RGS22: variants seen among roughly 807,000 people sequenced by gnomAD.
RGS22 encodes the protein regulator of G protein signaling 22.
A neutral mutation model predicts 172.9 loss-of-function variants in RGS22; 148 were observed. The observed-to-expected ratio is 0.86, with a 90% confidence interval of 0.75 to 0.98. RGS22 has a LOEUF of 0.98. Ranked by LOEUF, RGS22 falls within the 50% of genes least tolerant of loss-of-function variation. The probability of loss-of-function intolerance (pLI) is 0.00; values close to 1 mark genes in which losing one functional copy is unlikely to be tolerated. For synonymous variants in RGS22, 458 were observed against 480.2 expected, an observed-to-expected ratio of 0.95 and a Z score of 0.60; for missense variants, 1,347 against 1,440.8, an observed-to-expected ratio of 0.93 and a Z score of 1.05.
At chr8:100,004,912 G>C (rs996199064) in intron 16 of RGS22, among the ~76,000 whole-genome samples, 1 of 151,732 alleles carries the variant, frequency 6.6e-6, no homozygotes, top group Non-Finnish European at 1.5e-5. Context: ...AAGCACGAAA[G>C]GGCAAAGGGG....
chr8:100,064,127 G>C, intron 7 of RGS22, 84 bp from the exon 8 acceptor site: 1 of 1,067,652 alleles, frequency 9.4e-7, no homozygotes, highest in Non-Finnish European at 1.3e-6. Context: ...GAGCCAGAAT[G>C]GCAAATGGGT....
intron 14 of RGS22, among the ~76,000 whole-genome samples, chr8:100,011,690 G>C (rs938220851): frequency 6.6e-6 from 1 of 152,076 alleles, no homozygotes. Context: ...CTCCAGCCTC[G>C]AGTTTTTAAT....
intron 20 of RGS22, among the ~76,000 whole-genome samples, chr8:99,995,886 A>G (rs1814307054): frequency 1.3e-5 from 2 of 152,192 alleles, no homozygotes; most frequent in South Asian, 2.1e-4. Flanking sequence ...GATAGACTGG[A>G]TTAAGAAAAT....
chr8:100,003,557 C>T (rs1198346047), intron 17 of RGS22, among the ~76,000 whole-genome samples: 1 of 151,732 alleles, frequency 6.6e-6, no homozygotes, highest in Non-Finnish European at 1.5e-5. Flanking sequence ...AATATAATTT[C>T]AATATCTCAA....
At position 100,008,504 on chromosome 8, in the gene RGS22, T is replaced by C; in HGVS notation, c.2232A>G (p.Lys744=). The C allele has an allele frequency of 6.2e-7, 1 of 1,613,412 alleles. No homozygotes were observed. The highest frequency in any genetic ancestry group is 8.5e-7 in the Non-Finnish European group (1 of 1,179,822). Residue 744 remains lysine (K), a synonymous_variant, in exon 15 of 28, where the codon AAA becomes AAG. Coordinates refer to ENST00000360863, the MANE Select transcript of RGS22 (RefSeq NM_015668.5). The stretch of plus-strand genomic sequence containing the variant: ...GCTGTATTTTCATATAAATTTCTTT[T>C]TTCTTTTCCTGTTGGAGTCCAATGT... ...TLDIGLQQEK[K]KEIYMKIQPP...
intron 3 of RGS22, among the ~76,000 whole-genome samples, chr8:100,081,340 G>A (rs1197470615): frequency 7.2e-6 from 1 of 138,928 alleles, no homozygotes; most frequent in Non-Finnish European, 1.5e-5. Context: ...CTAGAAGTAT[G>A]TGTATATATG....
chr8:99,964,615 C>T (rs946997981), intron 24 of RGS22, among the ~76,000 whole-genome samples: 4 of 151,618 alleles, frequency 2.6e-5, no homozygotes, highest in Admixed American at 2.6e-4. Context: ...GTATTATTTG[C>T]TAGGTATCAT....
At chr8:99,985,871 G>A (rs1202639213) in intron 21 of RGS22, among the ~76,000 whole-genome samples, 2 of 152,054 alleles carry the variant, frequency 1.3e-5, no homozygotes, top group Admixed American at 6.6e-5. Context: ...AGTTAGACTT[G>A]TTCATATTCA....
chr8:100,103,725 T>G (rs562137057), intron 2 of RGS22, among the ~76,000 whole-genome samples: 1 of 151,996 alleles, frequency 6.6e-6, no homozygotes, highest in South Asian at 2.1e-4. Flanking sequence ...GTCAATACTT[T>G]CATGAGAAAA....
At chr8:100,017,898 C>T (rs748835840) in intron 14 of RGS22, among the ~76,000 whole-genome samples, 5 of 152,076 alleles carry the variant, frequency 3.3e-5, no homozygotes, top group Admixed American at 6.6e-5. Flanking sequence ...GAAGAAAATG[C>T]TCCCTTCATA....
rs552835144 is a variant in RGS22, at chr8:100,007,722, C to T, written c.2361+653G>A. On this transcript the variant is annotated intron_variant, in intron 15 of 27. Transcript: ENST00000360863. ...ATTTCTCTACTCTGACATACTTGTA[C>T]GGAGAGCAAAAAATGACATAAAGTC... Among the ~76,000 whole-genome samples the T allele has an allele frequency of 3.3e-5, 5 of 150,372 alleles. No homozygotes were observed. The East Asian group carries it at 5.9e-4, about 18-fold the overall frequency.
chr8:100,093,277 G>T, intron 3 of RGS22, 170 bp downstream of exon 3: 1 of 491,806 alleles, frequency 2.0e-6, no homozygotes. Flanking sequence ...TTCTAAATAT[G>T]ATTCAAATCC....
chr8:100,105,845 G>T, intron 1 of RGS22, 52 bp downstream of exon 1: 1 of 1,453,224 alleles, frequency 6.9e-7, no homozygotes, highest in Non-Finnish European at 9.2e-7. Context: ...GGCGCGTGGT[G>T]CGGCCCCGAC....
chr8:100,104,337 T>C (rs1350501843), intron 2 of RGS22, among the ~76,000 whole-genome samples: 2 of 144,078 alleles, frequency 1.4e-5, no homozygotes, highest in East Asian at 2.0e-4. Flanking sequence ...TGCGTGTGTG[T>C]GTGTGTGTGT....
At chr8:100,000,428 A>T (rs1814916324) in intron 18 of RGS22, among the ~76,000 whole-genome samples, 1 of 152,234 alleles carries the variant, frequency 6.6e-6, no homozygotes, top group Admixed American at 6.5e-5. Flanking sequence ...TCAAAGAGCA[A>T]ATTGGCTGCA....
chr8:100,054,111 A>G (rs1050879217), intron 9 of RGS22, among the ~76,000 whole-genome samples: 1 of 152,188 alleles, frequency 6.6e-6, no homozygotes, highest in South Asian at 2.1e-4. Flanking sequence ...TATTAAGGCC[A>G]CACTTAATTG....
intron 15 of RGS22, 63 bp downstream of exon 15, chr8:100,008,312 A>T: frequency 6.8e-7 from 1 of 1,477,236 alleles, no homozygotes; most frequent in Non-Finnish European, 9.2e-7. Flanking sequence ...TGCTGGGATA[A>T]CAGGCGTCAG....
intron 14 of RGS22, among the ~76,000 whole-genome samples, chr8:100,010,504 T>G (rs749804223): frequency 6.6e-6 from 1 of 151,948 alleles, no homozygotes; most frequent in Non-Finnish European, 1.5e-5. Context: ...AAAACCAACA[T>G]GGATTTCCCC....
intron 23 of RGS22, among the ~76,000 whole-genome samples, chr8:99,967,442 G>A (rs1171154781): frequency 6.6e-6 from 1 of 152,074 alleles, no homozygotes; most frequent in East Asian, 1.9e-4. Flanking sequence ...CGCTCAGTGG[G>A]TCCCATCTCC....
Sources: gnomAD v4.1 joint callset for allele counts (sites outside exome capture counted in the v4.1 genomes callset) on GRCh38, gnomAD v4.1.1 for gene constraint, MANE v1.5 for transcripts, NCBI Gene and HGNC (gene_info 2026-07-23, HGNC 2026-07-21) for gene names.